HECW2: variants seen among roughly 807,000 people sequenced by gnomAD.
HECW2 encodes the protein HECT, C2 and WW domain containing E3 ubiquitin protein ligase 2.
HECW2 carries 61 observed loss-of-function variants against 175.2 expected under a neutral mutation model. The ratio of observed to expected loss-of-function variants is 0.35; its 90% CI spans 0.28 to 0.43. The LOEUF is 0.43. HECW2 is among the 20% of genes least tolerant of loss of function. The pLI is 1.00. For missense variants in HECW2, 1,524 were observed against 2,000.5 expected (o/e 0.76, Z 4.54); for synonymous variants, 671 against 731.0 (o/e 0.92, Z 1.32).
At chr2:196,579,824 C>T (rs1313483354) in intron 1 of HECW2, among the ~76,000 whole-genome samples, 1 of 152,126 alleles carries the variant, frequency 6.6e-6, no homozygotes, top group Admixed American at 6.5e-5. Context: ...TATGAGAACA[C>T]AGCAAGAAGG....
chr2:196,362,782 T>C (rs911298689), intron 2 of HECW2, among the ~76,000 whole-genome samples: 1 of 152,156 alleles, frequency 6.6e-6, no homozygotes, highest in African/African-American at 2.4e-5. Context: ...TCCACCATTC[T>C]TTAATGGAGA....
intron 1 of HECW2, among the ~76,000 whole-genome samples, chr2:196,526,679 T>G (rs1265120369): frequency 6.9e-6 from 1 of 145,982 alleles, no homozygotes; most frequent in Non-Finnish European, 1.5e-5. Context: ...TTTCTGTTTG[T>G]TAGTTTTCCT....
chr2:196,513,970 GCTGCCCACT>G (rs1688052578), intron 1 of HECW2, among the ~76,000 whole-genome samples: 1 of 152,226 alleles, frequency 6.6e-6, no homozygotes, highest in Non-Finnish European at 1.5e-5. Flanking sequence ...CGCTGCTGGG[GCTGCCCACT>G]CCAGAGCCAG....
At chr2:196,233,578 T>C (rs956324163) in intron 21 of HECW2, among the ~76,000 whole-genome samples, 1 of 152,184 alleles carries the variant, frequency 6.6e-6, no homozygotes, top group African/African-American at 2.4e-5. Context: ...CAGATATTTA[T>C]AGCAGCAAGG....
intron 2 of HECW2, among the ~76,000 whole-genome samples, chr2:196,391,508 T>A (rs1025802649): frequency 6.6e-6 from 1 of 152,226 alleles, no homozygotes; most frequent in African/African-American, 2.4e-5. Context: ...CTCATGAATG[T>A]ATGTTTTAGA....
chr2:196,461,529 CTT>C (rs1310934121), intron 1 of HECW2, among the ~76,000 whole-genome samples: 1 of 152,172 alleles, frequency 6.6e-6, no homozygotes, highest in Non-Finnish European at 1.5e-5. Context: ...CACACAAAGA[CTT>C]ATTGTATTAG....
chr2:196,250,658 C>A (rs1688820412), intron 19 of HECW2, among the ~76,000 whole-genome samples: 1 of 152,206 alleles, frequency 6.6e-6, no homozygotes, highest in Middle Eastern at 3.4e-3. Flanking sequence ...CCTGTGTCAT[C>A]AAAATAGGTG....
intron 1 of HECW2, among the ~76,000 whole-genome samples, chr2:196,518,419 G>A (rs1688225035): frequency 6.6e-6 from 1 of 152,010 alleles, no homozygotes; most frequent in Admixed American, 6.6e-5. Context: ...ACTTTGGGAG[G>A]CCGAGGTGGG....
intron 1 of HECW2, among the ~76,000 whole-genome samples, chr2:196,542,265 GAA>G (rs1181642124): frequency 5.0e-4 from 46 of 92,278 alleles, no homozygotes; most frequent in African/African-American, 7.3e-4. Flanking sequence ...CTCTGTCTCA[GAA>G]AAAAAAAAAA....
chr2:196,510,193 T>C (rs1467281079), intron 1 of HECW2, among the ~76,000 whole-genome samples: 2 of 152,132 alleles, frequency 1.3e-5, no homozygotes, highest in African/African-American at 4.8e-5. Flanking sequence ...TATGGTTGCA[T>C]TCACTCTCAA....
chr2:196,572,937 T>C (rs1262664020), intron 1 of HECW2, among the ~76,000 whole-genome samples: 1 of 152,222 alleles, frequency 6.6e-6, no homozygotes, highest in South Asian at 2.1e-4. Context: ...CAGTTTATGG[T>C]ATTCCGTTAT....
At chr2:196,537,170 T>C (rs1320378521) in intron 1 of HECW2, among the ~76,000 whole-genome samples, 1 of 152,026 alleles carries the variant, frequency 6.6e-6, no homozygotes, top group Non-Finnish European at 1.5e-5. Context: ...TGAGCTTTGG[T>C]GGAAGAACCT....
chr2:196,299,012 CTGAGT>C (rs1690924552), intron 13 of HECW2, among the ~76,000 whole-genome samples: 1 of 152,102 alleles, frequency 6.6e-6, no homozygotes, highest in South Asian at 2.1e-4. Flanking sequence ...AAAAAATTGT[CTGAGT>C]TATCTCCATT....
intron 25 of HECW2, 87 bp downstream of exon 25, chr2:196,220,708 T>C (rs1196215704): frequency 8.9e-6 from 12 of 1,349,920 alleles, no homozygotes; most frequent in Non-Finnish European, 1.1e-5. Context: ...ACAGCAGAAA[T>C]AGTCTACACA....
At chr2:196,519,868 AACTG>A (rs2125430830) in intron 1 of HECW2, among the ~76,000 whole-genome samples, 1 of 152,320 alleles carries the variant, frequency 6.6e-6, no homozygotes, top group African/African-American at 2.4e-5. Context: ...AGGGGTAATC[AACTG>A]ACTAACTCAA....
Position 196,318,971 on chromosome 2 carries a change from C to T in HECW2, c.1919G>A (p.Cys640Tyr). 6.2e-7 allele frequency: 1 copy of T among 1,613,150 alleles called. No homozygotes were observed. The highest frequency in any genetic ancestry group is 1.1e-5 in the South Asian group (1 of 90,884). ...TRPEGESDLECADSSCNESVT... is the reference protein window; with the variant it reads ...TRPEGESDLEYADSSCNESVT... ...ACTCTCATTGCAGGAGCTGTCAGCG[C>T]ATTCCAGGTCACTCTCTCCCTCAGG... Residue 640 changes from cysteine (C) to tyrosine (Y), a missense_variant, in exon 9 of 29, where the codon TGC (cysteine) becomes TAC (tyrosine). Coordinates refer to ENST00000644978, the MANE Select transcript of HECW2 (RefSeq NM_001348768.2).
intron 2 of HECW2, among the ~76,000 whole-genome samples, chr2:196,383,420 G>T (rs540557971): frequency 6.6e-6 from 1 of 152,234 alleles, no homozygotes; most frequent in East Asian, 1.9e-4. Context: ...GAGATTGCAG[G>T]GTGCCAAGAG....
At chr2:196,426,742 C>G (rs925014699) in intron 2 of HECW2, among the ~76,000 whole-genome samples, 5 of 152,182 alleles carry the variant, frequency 3.3e-5, no homozygotes, top group African/African-American at 9.6e-5. Context: ...CACTGAAGTT[C>G]CAGCCTTGAC....
At chr2:196,367,876 TTGTGTGTG>T (rs34963101) in intron 2 of HECW2, among the ~76,000 whole-genome samples, 6 of 144,902 alleles carry the variant, frequency 4.1e-5, no homozygotes, top group African/African-American at 1.3e-4. Flanking sequence ...GTGTGTGTGT[TTGTGTGTG>T]TGTGTGTGTA....
Sources: allele counts gnomAD v4.1 joint callset (sites outside exome capture counted in the v4.1 genomes callset), GRCh38; gene constraint gnomAD v4.1.1; transcripts MANE v1.5; gene names NCBI Gene and HGNC (gene_info 2026-07-23, HGNC 2026-07-21).